Variants in SLC12A6 observed in about 807,000 individuals in gnomAD.
The protein encoded by SLC12A6 is solute carrier family 12 member 6, also known as K-Cl cotransporter 3.
SLC12A6 carries 66 observed loss-of-function variants against 135.3 expected under a neutral mutation model. That is an observed-to-expected ratio of 0.49 (90% CI 0.40 to 0.60). The LOEUF (loss-of-function observed/expected upper bound fraction) is 0.60. SLC12A6 is among the 20% of genes least tolerant of loss of function. The pLI is 0.00. For synonymous variants in SLC12A6, 513 were observed against 508.8 expected, an observed-to-expected ratio of 1.01 and a Z score of -0.11; for missense variants, 1,058 against 1,452.3, an observed-to-expected ratio of 0.73 and a Z score of 4.41.
intron 2 of SLC12A6, among the ~76,000 whole-genome samples, chr15:34,286,343 T>A (rs918352640): frequency 5.3e-5 from 8 of 151,986 alleles, no homozygotes; most frequent in Non-Finnish European, 1.5e-5. Context: ...CCCAAAGTGT[T>A]GGGATTACAG....
intron 2 of SLC12A6, among the ~76,000 whole-genome samples, chr15:34,298,628 T>A (rs2141002537): frequency 6.6e-6 from 1 of 151,318 alleles, no homozygotes; most frequent in Middle Eastern, 3.4e-3. Context: ...ATTCCAGAGA[T>A]AAAATAGCAG....
chr15:34,338,010 G>T (rs1224843736), upstream of SLC12A6: 2 of 151,928 alleles, frequency 1.3e-5, no homozygotes, highest in Non-Finnish European at 2.9e-5. Flanking sequence ...ACCGTCCCGC[G>T]GGCGCCCGAA....
At chr15:34,271,372 T>C (rs1893926201) in intron 3 of SLC12A6, among the ~76,000 whole-genome samples, 2 of 123,996 alleles carry the variant, frequency 1.6e-5, no homozygotes, top group African/African-American at 4.6e-5. Context: ...GGTTGGCCTA[T>C]ACTTTTTTTT....
At chr15:34,234,082 T>G in intron 25 of SLC12A6, 110 bp from the exon 26 acceptor site, 1 of 719,334 alleles carries the variant, frequency 1.4e-6, no homozygotes, top group Non-Finnish European at 2.6e-6. Flanking sequence ...GCTGCTTAAT[T>G]ATTATATATT....
At chr15:34,260,549 C>T (rs567736896) in intron 4 of SLC12A6, among the ~76,000 whole-genome samples, 21 of 152,284 alleles carry the variant, frequency 1.4e-4, no homozygotes, top group South Asian at 6.2e-4. Flanking sequence ...TGAGCCACCG[C>T]GCCCGGCCTT....
At chr15:34,243,072 T>C (rs1451496020) in intron 16 of SLC12A6, among the ~76,000 whole-genome samples, 5 of 152,038 alleles carry the variant, frequency 3.3e-5, no homozygotes, top group Admixed American at 6.5e-5. Flanking sequence ...TTTGTATTTT[T>C]AGTAGAGACG....
At chr15:34,281,395 T>A (rs1183595957) in intron 2 of SLC12A6, among the ~76,000 whole-genome samples, 1 of 152,154 alleles carries the variant, frequency 6.6e-6, no homozygotes, top group East Asian at 1.9e-4. Flanking sequence ...TTGAACTAAG[T>A]CAAAATCTGA....
At position 34,260,964 on chromosome 15, in the gene SLC12A6, C is replaced by T. The variant is rs767828997; in HGVS notation, c.373G>A (p.Gly125Arg). ...AYLNNSNYEE[G>R]DEYFDKNLAL... is the part of the protein sequence containing the mutation. ...AAATTTTTATCAAAATATTCATCTC[C>T]TTCTTCATAATTGGAATTATTGAGA... is the stretch of plus-strand genomic sequence containing the variant. The change falls in exon 4 of 26, where the codon GGA (glycine) becomes AGA (arginine). Residue 125 changes from glycine (G) to arginine (R), a missense_variant. Around this residue, in one of 6 missense-constraint regions of SLC12A6, gnomAD observed 176 missense variants for 168.9 expected, o/e 1.04. Transcript: ENST00000354181. 1.9e-6 allele frequency: 3 copies of T among 1,567,494 alleles called. No individual in the cohort carries two copies. The highest frequency in any genetic ancestry group is 2.6e-6 in the Non-Finnish European group (3 of 1,137,700).
intron 3 of SLC12A6, among the ~76,000 whole-genome samples, chr15:34,274,907 A>T (rs536801971): frequency 3.3e-5 from 5 of 152,306 alleles, no homozygotes; most frequent in Non-Finnish European, 7.4e-5. Flanking sequence ...TGTTTCATAG[A>T]TAAGGAACTG....
intron 2 of SLC12A6, among the ~76,000 whole-genome samples, chr15:34,300,793 C>CAAAAAAA (rs71763739): frequency 1.0e-5 from 1 of 98,806 alleles, no homozygotes. Context: ...GACTCCGTCT[C>CAAAAAAA]AAAAAAAAAA....
chr15:34,259,976 T>C (rs988534535), intron 4 of SLC12A6, among the ~76,000 whole-genome samples: 1 of 152,088 alleles, frequency 6.6e-6, no homozygotes. Flanking sequence ...GGATACAAAG[T>C]TTCAGTTAGG....
chr15:34,318,749 T>C, intron 2 of SLC12A6: 9 of 1,605,184 alleles, frequency 5.6e-6, no homozygotes, highest in Non-Finnish European at 7.7e-6. Context: ...CCTGCCTACC[T>C]CTTCCTTGCT....
At chr15:34,313,681 T>C (rs1888421513) in intron 2 of SLC12A6, among the ~76,000 whole-genome samples, 1 of 151,982 alleles carries the variant, frequency 6.6e-6, no homozygotes. Context: ...AGGACCTTCA[T>C]AGCTAGAAAG....
intron 3 of SLC12A6, 81 bp downstream of exon 3, chr15:34,275,264 C>T (rs903667662): frequency 8.1e-6 from 6 of 741,694 alleles, no homozygotes; most frequent in Admixed American, 3.8e-5. Flanking sequence ...AAAATAGAAT[C>T]AGAGAAGGGA....
intron 2 of SLC12A6, chr15:34,318,421 A>G: frequency 1.3e-6 from 1 of 747,768 alleles, no homozygotes; most frequent in South Asian, 1.4e-5. Flanking sequence ...TACACAGGGG[A>G]GTGAAATAAG....
chr15:34,236,262 T>C (rs956495971), intron 23 of SLC12A6, 63 bp from the exon 24 acceptor site: 1 of 1,268,310 alleles, frequency 7.9e-7, no homozygotes, highest in South Asian at 1.2e-5. Flanking sequence ...CATCTTTGGT[T>C]ATTTTGAAGC....
At position 34,229,871 on chromosome 15, in the gene SLC12A6, C is replaced by A; in HGVS notation, c.*4010G>T. 7.9e-7 allele frequency: 1 copy of A among 1,264,186 alleles called. No homozygotes were observed. The highest frequency in any genetic ancestry group is 1.2e-6 in the Non-Finnish European group (1 of 862,324). 78.3% of individuals were successfully genotyped at this position (1,264,186 alleles called of 1,614,324 possible). A position where few individuals can be genotyped will look rare whatever the true frequency, so the allele number is the denominator to read the frequency against. On this transcript the variant is annotated 3_prime_UTR_variant, in exon 26 of 26. Transcript: ENST00000354181. ...AAGCCCAGTGGCTCCTCAGCATACT[C>A]TTAAACTAATCACTTATGTTAAAAA...
intron 3 of SLC12A6, among the ~76,000 whole-genome samples, chr15:34,272,157 C>T (rs1191754394): frequency 6.6e-6 from 1 of 151,926 alleles, no homozygotes; most frequent in African/African-American, 2.4e-5. Context: ...TTTAAGTAGA[C>T]ATGGGGTTTC....
At chr15:34,330,556 C>T (rs1393449383) in intron 2 of SLC12A6, among the ~76,000 whole-genome samples, 1 of 151,820 alleles carries the variant, frequency 6.6e-6, no homozygotes, top group Non-Finnish European at 1.5e-5. Flanking sequence ...GTGTTCCCAT[C>T]TACTCAAGAG....
Sources: gnomAD v4.1 joint callset for allele counts (sites outside exome capture counted in the v4.1 genomes callset) on GRCh38, gnomAD v4.1.1 for gene constraint, gnomAD v4.1.1 regional missense constraint, MANE v1.5 for transcripts, NCBI Gene and HGNC (gene_info 2026-07-23, HGNC 2026-07-21) for gene names.